ACVR1B: variants seen among roughly 807,000 people sequenced by gnomAD.
ACVR1B encodes the protein activin A receptor type 1B, also known as activin receptor type-1B.
ACVR1B carries 15 observed loss-of-function variants against 55.6 expected under a neutral mutation model. The ratio of observed to expected loss-of-function variants is 0.27; its 90% confidence interval spans 0.18 to 0.42. The LOEUF is 0.42. Ranked by LOEUF, ACVR1B falls within the 10% of genes least tolerant of loss-of-function variation. ACVR1B has a pLI of 1.00. For missense variants in ACVR1B, 359 were observed against 670.1 expected (o/e 0.54, Z 5.13); for synonymous variants, 247 against 254.6 (o/e 0.97, Z 0.28).
At chr12:51,969,301 C>T (rs999689126) in intron 1 of ACVR1B, among the ~76,000 whole-genome samples, 3 of 152,130 alleles carry the variant, frequency 2.0e-5, no homozygotes, top group East Asian at 1.9e-4. Context: ...ATGTTGTCGT[C>T]GTAAATGGCC....
intron 1 of ACVR1B, among the ~76,000 whole-genome samples, chr12:51,973,812 C>T (rs913301659): frequency 3.3e-5 from 5 of 152,124 alleles, no homozygotes; most frequent in African/African-American, 1.2e-4. Flanking sequence ...TGAAGATCTG[C>T]ACTGTCTACA....
rs1203096788 is a variant in ACVR1B, at chr12:51,996,220, GC to G, written c.*2115del. 2 of 152,402 alleles carry G rather than the reference GC, an allele frequency of 1.3e-5. No homozygotes were observed. Among genetic ancestry groups the G allele is most frequent in the Non-Finnish European group, 2.9e-5 (2 of 68,080 alleles). The allele number at this position is 152,402 out of a possible 1,614,324, so 9.4% of individuals were successfully genotyped here. Reference sequence around the variant, plus strand: ...CCTCAAATCACTGCATTCATTCTGAGCCCCCTTCCTGTCCCCAGGGGAGGTG... The same window carrying G: ...CCTCAAATCACTGCATTCATTCTGAGCCCCTTCCTGTCCCCAGGGGAGGTG... On this transcript the variant is annotated 3_prime_UTR_variant, in exon 9 of 9. Transcript: ENST00000257963.
intron 1 of ACVR1B, among the ~76,000 whole-genome samples, chr12:51,968,330 A>T (rs1385600965): frequency 6.6e-6 from 1 of 152,258 alleles, no homozygotes; most frequent in Non-Finnish European, 1.5e-5. Context: ...TAGATGTTAG[A>T]TACCTCTTGA....
intron 7 of ACVR1B, 146 bp downstream of exon 7, chr12:51,987,088 T>C: frequency 9.0e-7 from 1 of 1,115,384 alleles, no homozygotes; most frequent in Non-Finnish European, 1.4e-6. Flanking sequence ...CCATCAAAGG[T>C]GTGGAGGTAG....
intron 7 of ACVR1B, among the ~76,000 whole-genome samples, chr12:51,989,680 C>T (rs1029190478): frequency 6.6e-6 from 1 of 152,100 alleles, no homozygotes; most frequent in Non-Finnish European, 1.5e-5. Context: ...AGTGCTATTA[C>T]CACACTTTAA....
chr12:51,983,858 G>C, intron 4 of ACVR1B, 141 bp from the exon 5 acceptor site: 1 of 779,380 alleles, frequency 1.3e-6, no homozygotes, highest in East Asian at 2.7e-5. Context: ...ATGCTAGATG[G>C]GGCTTCAGGG....
Position 51,976,551 on chromosome 12 carries a change from C to T in ACVR1B, c.556C>T (p.Leu186Phe). Residue 186 changes from leucine to phenylalanine, a missense_variant, in exon 3 of 9, where the codon CTC becomes TTC. Leu to Phe is a conservative substitution (Grantham distance 22). This residue lies in a region of ACVR1B where 133 missense variants were observed against 188.2 expected (regional missense o/e 0.71). Transcript: ENST00000257963. ...DKTLQDLVYD[L>F]STSGSGSGLP... Reference sequence around the variant, plus strand: ...GACGCTCCAGGATCTTGTCTACGATCTCTCCACCTCAGGGTCTGGCTCAGG... The same window carrying T: ...GACGCTCCAGGATCTTGTCTACGATTTCTCCACCTCAGGGTCTGGCTCAGG... 2 of 1,613,632 alleles carry T rather than the reference C, an allele frequency of 1.2e-6. No individual in the cohort carries two copies. The highest frequency in any genetic ancestry group is 1.7e-6 in the Non-Finnish European group (2 of 1,180,020).
At chr12:51,957,262 A>C (rs1941430235) in intron 1 of ACVR1B, among the ~76,000 whole-genome samples, 1 of 151,820 alleles carries the variant, frequency 6.6e-6, no homozygotes, top group South Asian at 2.1e-4. Flanking sequence ...CCTGACAAAC[A>C]TGCTGAAACC....
chr12:51,975,667 G>A (rs758025368), intron 2 of ACVR1B, among the ~76,000 whole-genome samples, 163 bp downstream of exon 2: 3 of 152,242 alleles, frequency 2.0e-5, no homozygotes, highest in Non-Finnish European at 4.4e-5. Context: ...AGTTGCTTTT[G>A]TAGATTAGAG....
In ACVR1B at chr12:51,996,318, G is replaced by C. The variant is rs1252569160; in HGVS notation, c.*2208G>C. On this transcript the variant is annotated 3_prime_UTR_variant, in exon 9 of 9. Coordinates refer to ENST00000257963, the MANE Select transcript of ACVR1B (RefSeq NM_004302.5). ...TCTCTGCCAAAGCTTGTGGAGGAGG[G>C]AGAGCCCTGTCCCTGCCCTCAGGCT... 1.3e-5 allele frequency: 2 copies of C among 152,714 alleles called. No homozygotes were observed. The highest frequency in any genetic ancestry group is 4.8e-5 in the African/African-American group (2 of 41,460). 9.5% of individuals were successfully genotyped at this position (152,714 alleles called of 1,614,324 possible).
intron 1 of ACVR1B, among the ~76,000 whole-genome samples, chr12:51,959,658 A>T (rs1177269295): frequency 6.6e-6 from 1 of 152,240 alleles, no homozygotes; most frequent in Admixed American, 6.5e-5. Flanking sequence ...TGGTGAAAAT[A>T]GGTAAAGCAA....
intron 6 of ACVR1B, among the ~76,000 whole-genome samples, chr12:51,985,555 G>C (rs985164252): frequency 6.6e-6 from 1 of 152,256 alleles, no homozygotes; most frequent in African/African-American, 2.4e-5. Flanking sequence ...TGAGAGCACA[G>C]CTCCATAAAC....
intron 8 of ACVR1B, 190 bp downstream of exon 8, chr12:51,992,183 G>A: frequency 1.4e-6 from 1 of 705,522 alleles, no homozygotes; most frequent in Non-Finnish European, 2.3e-6. Flanking sequence ...CCTGTAGGGT[G>A]CCATTTGGAG....
intron 7 of ACVR1B, among the ~76,000 whole-genome samples, chr12:51,989,241 G>T (rs1224173934): frequency 1.3e-5 from 2 of 151,986 alleles, no homozygotes; most frequent in Non-Finnish European, 2.9e-5. Flanking sequence ...GTTTTGTTTT[G>T]TTTTTCTTTT....
intron 4 of ACVR1B, chr12:51,982,639 C>A (rs1192177723): frequency 6.8e-7 from 1 of 1,481,022 alleles, no homozygotes; most frequent in Non-Finnish European, 8.9e-7. Flanking sequence ...TTAGTGTCTA[C>A]AAAGCCTACA....
rs560368761 is a variant in ACVR1B, at chr12:51,966,299, G to A, written c.92-8966G>A. Among the ~76,000 whole-genome samples, 3 of 152,324 alleles carry A rather than the reference G, an allele frequency of 2.0e-5. No homozygotes were observed. In the East Asian group the frequency reaches 5.8e-4, roughly 29 times the overall value. ...AGAGTCAACCCAAAAAATCCAGAAT[G>A]TGGGAAGCTGCAGGACAAATGGCCT... On this transcript the variant is annotated intron_variant, in intron 1 of 8. Transcript: ENST00000257963.
intron 2 of ACVR1B, among the ~76,000 whole-genome samples, chr12:51,975,920 A>G (rs976700775): frequency 2.6e-5 from 4 of 152,242 alleles, no homozygotes; most frequent in Non-Finnish European, 4.4e-5. Context: ...AAGCCGAGAA[A>G]CACCACATAC....
intron 3 of ACVR1B, among the ~76,000 whole-genome samples, chr12:51,978,574 A>G (rs1941913056): frequency 1.3e-5 from 2 of 152,196 alleles, no homozygotes; most frequent in South Asian, 2.1e-4. Context: ...TCACGCCTGT[A>G]ATCCCAGCAC....
In ACVR1B at chr12:51,955,901, C is replaced by A. The variant is rs542626377; in HGVS notation, c.91+4067C>A. 2.8e-3 allele frequency among the ~76,000 whole-genome samples: 431 copies of A among 152,352 alleles called. 2 individuals carry two copies. The highest frequency in any genetic ancestry group is 4.9e-3 in the Non-Finnish European group (333 of 68,036). ...CATTTCTCTCACTCTGCAGGCACTG[C>A]CTCATGGCCAGGTTCAGATACCTGC... is the stretch of plus-strand genomic sequence containing the variant. On this transcript the variant is annotated intron_variant, in intron 1 of 8. Coordinates refer to ENST00000257963, the MANE Select transcript of ACVR1B (RefSeq NM_004302.5).
Sources: allele counts gnomAD v4.1 joint callset (sites outside exome capture counted in the v4.1 genomes callset), GRCh38; gene constraint gnomAD v4.1.1; regional missense constraint gnomAD v4.1.1; transcripts MANE v1.5; gene names NCBI Gene and HGNC (gene_info 2026-07-23, HGNC 2026-07-21).